Variants in RORB observed in about 807,000 individuals in gnomAD.
RORB encodes nuclear receptor ROR-beta.
A neutral mutation model predicts 59.1 loss-of-function variants in RORB; 6 were observed. The ratio of observed to expected loss-of-function variants is 0.10; its 90% CI spans 0.06 to 0.20. RORB has a LOEUF of 0.20. Among genes scored for constraint, RORB ranks in the 10% least tolerant of loss-of-function variants. The pLI is 1.00. For missense variants in RORB, 320 were observed against 560.5 expected (o/e 0.57, Z 4.33); for synonymous variants, 215 against 204.5 (o/e 1.05, Z -0.44).
intron 1 of RORB, among the ~76,000 whole-genome samples, chr9:74,567,647 A>T (rs1473165181): frequency 6.6e-6 from 1 of 152,146 alleles, no homozygotes; most frequent in African/African-American, 2.4e-5. Flanking sequence ...TTTTAACAGG[A>T]TCTATTAAAT....
intron 1 of RORB, among the ~76,000 whole-genome samples, chr9:74,585,113 A>G (rs1051812275): frequency 6.6e-6 from 1 of 152,184 alleles, no homozygotes; most frequent in African/African-American, 2.4e-5. Flanking sequence ...TTCAGACTAA[A>G]TAACTATTAT....
intron 1 of RORB, among the ~76,000 whole-genome samples, chr9:74,522,587 G>T (rs1024250935): frequency 6.6e-6 from 1 of 151,800 alleles, no homozygotes; most frequent in African/African-American, 2.4e-5. Flanking sequence ...TAAGGGTAAA[G>T]CCCAATTCTT....
chr9:74,643,189 G>T (rs1388657017), intron 4 of RORB, among the ~76,000 whole-genome samples: 19 of 152,152 alleles, frequency 1.2e-4, no homozygotes, highest in Admixed American at 1.2e-3. Flanking sequence ...TATAGAAACA[G>T]TGTGGAATAA....
chr9:74,685,705 C>T lies in RORB; in HGVS notation c.*87C>T. 2 of 1,008,022 alleles carry T rather than the reference C, an allele frequency of 2.0e-6. No individual in the cohort carries two copies. Among genetic ancestry groups the T allele is most frequent in the Non-Finnish European group, 2.8e-6 (2 of 714,044 alleles). The allele number at this position is 1,008,022 out of a possible 1,614,324, so 62.4% of individuals were successfully genotyped here. On this transcript the variant is annotated 3_prime_UTR_variant, in exon 10 of 10. Transcript: ENST00000376896. ...GTTCATGAAGACTTAAGAAAAATGT[C>T]ACTACTGCAACATTAGGAATGTCCT... is the stretch of plus-strand genomic sequence containing the variant.
chr9:74,535,523 A>T (rs1020153489), intron 1 of RORB, among the ~76,000 whole-genome samples: 3 of 152,024 alleles, frequency 2.0e-5, no homozygotes, highest in Admixed American at 1.3e-4. Flanking sequence ...TGTTTACCCT[A>T]GTAAAATCAA....
intron 1 of RORB, among the ~76,000 whole-genome samples, chr9:74,622,519 ATTTTT>A (rs33946613): frequency 1.6e-4 from 12 of 74,142 alleles, no homozygotes; most frequent in Admixed American, 2.2e-4. Context: ...TACAACCCAG[ATTTTT>A]TTTTTTTTTT....
At chr9:74,681,868 A>G (rs1408714767) in intron 9 of RORB, among the ~76,000 whole-genome samples, 1 of 152,236 alleles carries the variant, frequency 6.6e-6, no homozygotes, top group African/African-American at 2.4e-5. Flanking sequence ...TAAGCAACTT[A>G]CTTGAATTGC....
At chr9:74,660,525 C>A in intron 4 of RORB, 92 bp from the exon 5 acceptor site, 1 of 1,177,224 alleles carries the variant, frequency 8.5e-7, no homozygotes, top group Non-Finnish European at 1.2e-6. Flanking sequence ...ATAGGAGTAT[C>A]TCCAAAAGGC....
At chr9:74,635,790 GAC>G (rs1331381233) in intron 3 of RORB, among the ~76,000 whole-genome samples, 2 of 152,102 alleles carry the variant, frequency 1.3e-5, no homozygotes, top group African/African-American at 4.8e-5. Context: ...AGGCTGTATA[GAC>G]ACACACAAAA....
intron 4 of RORB, among the ~76,000 whole-genome samples, chr9:74,646,876 G>A (rs1823908586): frequency 6.6e-6 from 1 of 152,136 alleles, no homozygotes; most frequent in African/African-American, 2.4e-5. Context: ...TGGGCGGGAT[G>A]CTACCACACT....
intron 1 of RORB, among the ~76,000 whole-genome samples, chr9:74,517,632 G>C (rs10869411): frequency 0.32 from 48,109 of 151,686 alleles, 7,950 homozygotes; most frequent in Admixed American, 0.41. Flanking sequence ...TTTAAAAAGG[G>C]TAGCCCCATA....
rs375949127 is a variant in RORB, at chr9:74,633,109, G to A, written c.94-1522G>A. 2.0e-5 allele frequency among the ~76,000 whole-genome samples: 3 copies of A among 152,306 alleles called. No homozygotes were observed. In the South Asian group the frequency reaches 6.2e-4, roughly 32 times the overall value. On this transcript the variant is annotated intron_variant, in intron 2 of 9. Coordinates refer to ENST00000376896, the MANE Select transcript of RORB (RefSeq NM_006914.4). ...AAGCTCTCTTCACCAGTGCCACGCT[G>A]AGCCATATTGGAGCTGAAGACAAAA...
intron 1 of RORB, among the ~76,000 whole-genome samples, chr9:74,611,943 C>A (rs1456853044): frequency 1.3e-5 from 2 of 152,156 alleles, no homozygotes; most frequent in Non-Finnish European, 2.9e-5. Flanking sequence ...AGCCACCATG[C>A]CCAGCCAACT....
At chr9:74,499,651 A>G (rs1278787740) in intron 1 of RORB, among the ~76,000 whole-genome samples, 2 of 152,144 alleles carry the variant, frequency 1.3e-5, no homozygotes, top group African/African-American at 4.8e-5. Context: ...TCAAGAAACT[A>G]TACTTGGGCA....
chr9:74,505,438 A>G (rs955576461), intron 1 of RORB, among the ~76,000 whole-genome samples: 7 of 152,164 alleles, frequency 4.6e-5, no homozygotes, highest in African/African-American at 1.7e-4. Flanking sequence ...ATATATAAAA[A>G]GAAATGTACA....
chr9:74,662,695 G>C (rs376728690), intron 6 of RORB, 89 bp downstream of exon 6: 1 of 1,377,302 alleles, frequency 7.3e-7, no homozygotes. Context: ...TCCTCCTTCC[G>C]ATATGCAGCT....
At chr9:74,684,681 A>G (rs73549438) in intron 9 of RORB, among the ~76,000 whole-genome samples, 6,348 of 152,264 alleles carry the variant, frequency 0.042, 422 homozygotes, top group African/African-American at 0.14. Flanking sequence ...TTGTAAGTGG[A>G]TATCCTTCCA....
intron 1 of RORB, among the ~76,000 whole-genome samples, chr9:74,576,274 G>A (rs1440039336): frequency 6.6e-6 from 1 of 152,094 alleles, no homozygotes; most frequent in Admixed American, 6.6e-5. Flanking sequence ...AGACTCCATT[G>A]TTTGGGACCA....
chr9:74,528,888 C>G (rs928580535), intron 1 of RORB, among the ~76,000 whole-genome samples: 1 of 152,094 alleles, frequency 6.6e-6, no homozygotes, highest in Middle Eastern at 3.4e-3. Flanking sequence ...GGAAATGAGA[C>G]TAAGGTAGGT....
Sources: allele counts gnomAD v4.1 joint callset (sites outside exome capture counted in the v4.1 genomes callset), GRCh38; gene constraint gnomAD v4.1.1; transcripts MANE v1.5; gene names NCBI Gene and HGNC (gene_info 2026-07-23, HGNC 2026-07-21).